NSD2: variants seen among roughly 807,000 people sequenced by gnomAD.
NSD2 encodes nuclear receptor binding SET domain protein 2, also known as histone-lysine N-methyltransferase NSD2.
Under a neutral mutation model 139.0 loss-of-function variants are expected in NSD2, and 12 were observed. That is an observed-to-expected ratio of 0.09 (90% confidence interval 0.06 to 0.14). NSD2 has a LOEUF of 0.14. NSD2 is among the 10% of genes least tolerant of loss of function. The pLI is 1.00. For synonymous variants in NSD2, 669 were observed against 648.7 expected, an observed-to-expected ratio of 1.03 and a Z score of -0.48; for missense variants, 1,155 against 1,745.0, an observed-to-expected ratio of 0.66 and a Z score of 6.02.
chr4:1,903,730 A>AC (rs1491437148), intron 2 of NSD2, among the ~76,000 whole-genome samples: 27 of 149,758 alleles, frequency 1.8e-4, no homozygotes, highest in African/African-American at 6.5e-4. Flanking sequence ...AGTGAGAGAG[A>AC]AATTTTTTTT....
chr4:1,948,381 A>C lies in NSD2; in HGVS notation c.1882-2691A>C. 9.4e-7 allele frequency: 1 copy of C among 1,066,082 alleles called. No homozygotes were observed. Among genetic ancestry groups the C allele is most frequent in the African/African-American group, 1.6e-5 (1 of 61,128 alleles). The allele number at this position is 1,066,082 out of a possible 1,614,324, so 66.0% of individuals were successfully genotyped here. The stretch of plus-strand genomic sequence containing the variant: ...TACAGGTGAATGTGCCACCTCCACA[A>C]ATGGCTTCTCCGAGTGAGTCACGTC... On this transcript the variant is annotated intron_variant, in intron 9 of 21. Transcript: ENST00000508803. The surrounding 1 kb of genome is among the most constrained non-coding windows in gnomAD (Gnocchi z 4.5).
chr4:1,904,454 A>G lies in NSD2; in HGVS notation c.760+76A>G, dbSNP rs572824457. The G allele has an allele frequency of 2.0e-6, 3 of 1,475,982 alleles. No homozygotes were observed. In the East Asian group the frequency reaches 6.9e-5, roughly 34 times the overall value. The allele number at this position is 1,475,982 out of a possible 1,614,324, so 91.4% of individuals were successfully genotyped here. A position where few individuals can be genotyped will look rare whatever the true frequency, so the allele number is the denominator to read the frequency against. On this transcript the variant is annotated intron_variant, in intron 3 of 21. Transcript: ENST00000508803. Reference sequence around the variant, plus strand: ...TTTCTCATCTCCAGGCTTCTTTCTTACTCTTTCTAAATAGCCCTGCTATGG... The same window carrying G: ...TTTCTCATCTCCAGGCTTCTTTCTTGCTCTTTCTAAATAGCCCTGCTATGG...
At chr4:1,945,510 G>A in intron 9 of NSD2, 1 of 1,064,216 alleles carries the variant, frequency 9.4e-7, no homozygotes. Flanking sequence ...CAAAAAAAGT[G>A]CCTGTGGATG....
intron 5 of NSD2, among the ~76,000 whole-genome samples, chr4:1,923,369 G>A (rs1374735561): frequency 6.6e-6 from 1 of 151,294 alleles, no homozygotes; most frequent in Non-Finnish European, 1.5e-5. Context: ...CATCGACACA[G>A]TGAAAGGACA....
rs891919273 is a variant in NSD2, at chr4:1,955,081, CTGAG to C, written c.2339-78_2339-75del. 37 of 1,399,306 alleles carry C rather than the reference CTGAG, an allele frequency of 2.6e-5. No individual in the cohort carries two copies. The African/African-American group carries it at 4.8e-4, about 18-fold the overall frequency. 86.7% of individuals were successfully genotyped at this position (1,399,306 alleles called of 1,614,324 possible). On this transcript the variant is annotated intron_variant, in intron 12 of 21. Coordinates refer to ENST00000508803, the MANE Select transcript of NSD2 (RefSeq NM_001042424.3). The surrounding 1 kb of genome is among the most constrained non-coding windows in gnomAD (Gnocchi z 4.7). ...CATTAACTTTTCAAATTCATGGAGG[CTGAG>C]TAATTATTAGTTGCTCTTTTCACTA...
At chr4:1,966,725 T>C (rs528100344) in intron 18 of NSD2, among the ~76,000 whole-genome samples, 1 of 152,272 alleles carries the variant, frequency 6.6e-6, no homozygotes, top group Admixed American at 6.5e-5. Flanking sequence ...TATTGTAATT[T>C]AGTTTGTAAA....
intron 18 of NSD2, among the ~76,000 whole-genome samples, chr4:1,969,876 T>C (rs1726264471): frequency 6.6e-6 from 1 of 152,128 alleles, no homozygotes; most frequent in Non-Finnish European, 1.5e-5. Flanking sequence ...AGAGCTAGGA[T>C]TGGGAACTTG....
In NSD2 at chr4:1,941,059, C is replaced by T. The variant is rs1221590901; in HGVS notation, c.1881+1281C>T. 3.8e-6 allele frequency: 4 copies of T among 1,056,096 alleles called. No individual in the cohort carries two copies. In the East Asian group the frequency reaches 1.6e-4, roughly 42 times the overall value. The allele number at this position is 1,056,096 out of a possible 1,614,324, so 65.4% of individuals were successfully genotyped here. On this transcript the variant is annotated intron_variant, in intron 9 of 21. Coordinates refer to ENST00000508803, the MANE Select transcript of NSD2 (RefSeq NM_001042424.3). ...ATGTTTGGACACACTGGAGAAAAGG[C>T]AGTAAGAATTATTTACTGAAACATC...
intron 1 of NSD2, among the ~76,000 whole-genome samples, chr4:1,888,901 A>ATTT (rs775054313): frequency 4.2e-5 from 5 of 118,902 alleles, no homozygotes; most frequent in African/African-American, 1.5e-4. Flanking sequence ...GTATATTAGT[A>ATTT]TTTTTTTTTT....
intron 15 of NSD2, among the ~76,000 whole-genome samples, chr4:1,957,548 A>G (rs768047388): frequency 6.7e-5 from 10 of 149,028 alleles, no homozygotes; most frequent in Non-Finnish European, 8.9e-5. Flanking sequence ...TCGGCCTCCC[A>G]AAGTGCTTCG....
At chr4:1,978,020 G>A (rs1316435784) in intron 21 of NSD2, among the ~76,000 whole-genome samples, 1 of 151,396 alleles carries the variant, frequency 6.6e-6, no homozygotes, top group Non-Finnish European at 1.5e-5. Context: ...CTGGCTACTC[G>A]GAAGGGTGAG....
chr4:1,873,321 G>A (rs1356808312), intron 1 of NSD2, among the ~76,000 whole-genome samples: 1 of 152,130 alleles, frequency 6.6e-6, no homozygotes, highest in East Asian at 1.9e-4. Flanking sequence ...AAGAGTATGA[G>A]GTAATTAACT....
chr4:1,960,411 A>C (rs1040399698), intron 17 of NSD2, among the ~76,000 whole-genome samples: 1 of 152,176 alleles, frequency 6.6e-6, no homozygotes, highest in Non-Finnish European at 1.5e-5. Context: ...TCTAGGACCA[A>C]GTCGTTGGTA....
At chr4:1,970,403 A>G (rs917612748) in intron 18 of NSD2, among the ~76,000 whole-genome samples, 1 of 152,164 alleles carries the variant, frequency 6.6e-6, no homozygotes, top group African/African-American at 2.4e-5. Flanking sequence ...AGCATAGAGA[A>G]TTAAAGGAAC....
At chr4:1,959,934 C>T (rs1356414182) in intron 17 of NSD2, among the ~76,000 whole-genome samples, 194 bp downstream of exon 17, 2 of 152,100 alleles carry the variant, frequency 1.3e-5, no homozygotes, top group Non-Finnish European at 1.5e-5. Flanking sequence ...GATTGTAGTT[C>T]ACTGCAGCCT....
At chr4:1,881,543 G>T (rs1392849366) in intron 1 of NSD2, among the ~76,000 whole-genome samples, 1 of 152,104 alleles carries the variant, frequency 6.6e-6, no homozygotes, top group African/African-American at 2.4e-5. Flanking sequence ...GATTACAGGC[G>T]TGAGCCACCG....
chr4:1,932,953 T>A (rs1265996308), intron 6 of NSD2, among the ~76,000 whole-genome samples: 1 of 152,234 alleles, frequency 6.6e-6, no homozygotes, highest in East Asian at 1.9e-4. Context: ...CAGACCTGCC[T>A]GAGGGGGGCC....
intron 1 of NSD2, among the ~76,000 whole-genome samples, chr4:1,889,294 A>G (rs1470547840): frequency 6.6e-6 from 1 of 152,144 alleles, no homozygotes; most frequent in East Asian, 1.9e-4. Flanking sequence ...CTTGGGCTCA[A>G]GCGATCCTCC....
chr4:1,946,603 C>G, intron 9 of NSD2: 4 of 1,027,478 alleles, frequency 3.9e-6, no homozygotes, highest in Non-Finnish European at 4.7e-6. Flanking sequence ...TATTCTGATT[C>G]ATATTTTAGG....
Sources: allele counts gnomAD v4.1 joint callset (sites outside exome capture counted in the v4.1 genomes callset), GRCh38; gene constraint gnomAD v4.1.1; non-coding constraint Gnocchi (gnomAD v3.1); transcripts MANE v1.5; gene names NCBI Gene and HGNC (gene_info 2026-07-23, HGNC 2026-07-21).